The following ADARB2 variants were observed in gnomAD, a reference collection of about 807,000 sequenced individuals.
ADARB2 encodes the protein inactive double-stranded RNA-specific editase B2.
Under a neutral mutation model 62.2 loss-of-function variants are expected in ADARB2, and 25 were observed. The observed-to-expected ratio is 0.40, with a 90% confidence interval of 0.29 to 0.56. The LOEUF is 0.56. Among genes scored for constraint, ADARB2 ranks in the 20% least tolerant of loss-of-function variants. The probability of loss-of-function intolerance (pLI) is 0.43; values close to 1 mark genes in which losing one functional copy is unlikely to be tolerated. For missense variants in ADARB2, 1,071 were observed against 1,077.4 expected (o/e 0.99, Z 0.08); for synonymous variants, 572 against 500.8 (o/e 1.14, Z -1.90).
intron 1 of ADARB2, among the ~76,000 whole-genome samples, chr10:1,654,898 G>A (rs1171308572): frequency 6.6e-6 from 1 of 152,228 alleles, no homozygotes; most frequent in East Asian, 1.9e-4. Flanking sequence ...CCAGGCACCT[G>A]TGATGAAATG....
chr10:1,380,713 T>C (rs1336604366), intron 1 of ADARB2, among the ~76,000 whole-genome samples: 2 of 152,202 alleles, frequency 1.3e-5, no homozygotes, highest in Non-Finnish European at 2.9e-5. Context: ...ATAAAATGCC[T>C]TTACCTTCTT....
At chr10:1,716,530 A>G (rs74109515) in intron 1 of ADARB2, among the ~76,000 whole-genome samples, 1,675 of 152,330 alleles carry the variant, frequency 0.011, 26 homozygotes, top group African/African-American at 0.038. Context: ...TTAATGTATC[A>G]TTCCCTCCAA....
chr10:1,666,379 G>A (rs916329434), intron 1 of ADARB2, among the ~76,000 whole-genome samples: 1 of 152,230 alleles, frequency 6.6e-6, no homozygotes, highest in African/African-American at 2.4e-5. Flanking sequence ...CCGAAGGGGG[G>A]CCAGTAGCAC....
chr10:1,516,571 C>A (rs533416952), intron 1 of ADARB2, among the ~76,000 whole-genome samples: 8 of 152,094 alleles, frequency 5.3e-5, no homozygotes, highest in Non-Finnish European at 1.2e-4. Context: ...GCTGTGCGGG[C>A]TGCTCTGTGC....
intron 4 of ADARB2, among the ~76,000 whole-genome samples, chr10:1,268,766 A>T (rs538138817): frequency 6.6e-6 from 1 of 152,354 alleles, no homozygotes; most frequent in South Asian, 2.1e-4. Context: ...CAGCATTCAG[A>T]AGTCACTAAT....
intron 4 of ADARB2, among the ~76,000 whole-genome samples, chr10:1,248,656 A>G (rs1831009621): frequency 6.6e-6 from 1 of 152,248 alleles, no homozygotes; most frequent in Non-Finnish European, 1.5e-5. Context: ...TGATGCTGTT[A>G]AGCCAATAAA....
intron 6 of ADARB2, among the ~76,000 whole-genome samples, chr10:1,222,940 C>A (rs1231259820): frequency 6.6e-6 from 1 of 151,930 alleles, no homozygotes; most frequent in African/African-American, 2.4e-5. Context: ...TAGTTTTTTC[C>A]AATTCTGTGA....
At chr10:1,721,546 T>C (rs1835092533) in intron 1 of ADARB2, among the ~76,000 whole-genome samples, 1 of 152,200 alleles carries the variant, frequency 6.6e-6, no homozygotes, top group African/African-American at 2.4e-5. Flanking sequence ...GGTACACAGA[T>C]TGCAAGTGAT....
At chr10:1,683,138 T>C (rs1330809292) in intron 1 of ADARB2, among the ~76,000 whole-genome samples, 1 of 152,294 alleles carries the variant, frequency 6.6e-6, no homozygotes, top group African/African-American at 2.4e-5. Context: ...AGGAGAACAG[T>C]GGGATATTTG....
intron 3 of ADARB2, among the ~76,000 whole-genome samples, chr10:1,318,933 C>T (rs917612421): frequency 2.0e-5 from 3 of 152,172 alleles, no homozygotes; most frequent in African/African-American, 2.4e-5. Flanking sequence ...GACCGTGCTC[C>T]AAAGGCTTAT....
chr10:1,276,240 C>T (rs1831315041), intron 3 of ADARB2, among the ~76,000 whole-genome samples: 1 of 152,160 alleles, frequency 6.6e-6, no homozygotes, highest in Non-Finnish European at 1.5e-5. Context: ...CTTTGATTTG[C>T]ATTTCTCTGA....
chr10:1,525,630 G>A (rs1307173444), intron 1 of ADARB2, among the ~76,000 whole-genome samples: 2 of 152,126 alleles, frequency 1.3e-5, no homozygotes, highest in African/African-American at 2.4e-5. Context: ...TTGTATGTGC[G>A]TCCTGAGAGG....
intron 4 of ADARB2, among the ~76,000 whole-genome samples, chr10:1,262,489 C>T (rs1035907070): frequency 4.6e-5 from 7 of 152,040 alleles, no homozygotes; most frequent in Non-Finnish European, 8.8e-5. Context: ...TGAACAGACA[C>T]TTCTCAAAAG....
chr10:1,598,926 C>T (rs1833373697), intron 1 of ADARB2, among the ~76,000 whole-genome samples: 1 of 152,224 alleles, frequency 6.6e-6, no homozygotes, highest in African/African-American at 2.4e-5. Flanking sequence ...CAACCGGAAG[C>T]CCAGGGCCGC....
chr10:1,609,721 G>A (rs901808446), intron 1 of ADARB2, among the ~76,000 whole-genome samples: 4 of 152,206 alleles, frequency 2.6e-5, no homozygotes, highest in Admixed American at 6.5e-5. Context: ...GCACATGGGC[G>A]GGGCTTTAAC....
intron 3 of ADARB2, among the ~76,000 whole-genome samples, chr10:1,343,072 T>C (rs147567193): frequency 3.3e-5 from 5 of 152,114 alleles, no homozygotes; most frequent in African/African-American, 1.2e-4. Context: ...AAAAGACAGA[T>C]CTAGGGTGAA....
At chr10:1,497,978 C>T (rs1588278193) in intron 1 of ADARB2, among the ~76,000 whole-genome samples, 1 of 151,600 alleles carries the variant, frequency 6.6e-6, no homozygotes, top group African/African-American at 2.4e-5. Context: ...TTCTGGGTGG[C>T]AAAGATAAAA....
At chr10:1,293,987 G>A (rs2131813170) in intron 3 of ADARB2, among the ~76,000 whole-genome samples, 1 of 152,140 alleles carries the variant, frequency 6.6e-6, no homozygotes, top group Non-Finnish European at 1.5e-5. Flanking sequence ...CGGGGGCATG[G>A]GGGAGCTGTT....
chr10:1,677,885 C>T (rs1484666846), intron 1 of ADARB2, among the ~76,000 whole-genome samples: 1 of 152,172 alleles, frequency 6.6e-6, no homozygotes, highest in Non-Finnish European at 1.5e-5. Flanking sequence ...CCCTAGGAAG[C>T]CAGGTCAGTT....
Sources: allele counts gnomAD v4.1 joint callset (sites outside exome capture counted in the v4.1 genomes callset), GRCh38; gene constraint gnomAD v4.1.1; transcripts MANE v1.5; gene names NCBI Gene and HGNC (gene_info 2026-07-23, HGNC 2026-07-21).